CRADD: variants seen among roughly 807,000 people sequenced by gnomAD.
CRADD encodes death domain-containing protein CRADD.
A neutral mutation model predicts 15.5 loss-of-function variants in CRADD; 9 were observed. That is an observed-to-expected ratio of 0.58 (90% CI 0.35 to 1.01). The LOEUF is 1.01. Ranked by LOEUF, CRADD falls within the 50% of genes least tolerant of loss-of-function variation. The pLI is 0.02. For synonymous variants in CRADD, 118 were observed against 107.6 expected (o/e 1.10, Z -0.60); for missense variants, 227 against 250.3 (o/e 0.91, Z 0.63).
At chr12:93,742,430 G>A (rs1956685630) in intron 2 of CRADD, among the ~76,000 whole-genome samples, 2 of 145,206 alleles carry the variant, frequency 1.4e-5, no homozygotes, top group African/African-American at 2.8e-5. Context: ...GGCCCCAGCC[G>A]CCCTAGGGCG....
At chr12:93,821,603 G>C (rs1169126130) in intron 2 of CRADD, among the ~76,000 whole-genome samples, 1 of 152,178 alleles carries the variant, frequency 6.6e-6, no homozygotes, top group East Asian at 1.9e-4. Context: ...ATGAAAATTG[G>C]AACATATGGT....
intron 2 of CRADD, among the ~76,000 whole-genome samples, chr12:93,893,824 T>A (rs1160539567): frequency 6.6e-6 from 1 of 151,674 alleles, no homozygotes; most frequent in Non-Finnish European, 1.5e-5. Context: ...GAGAATCACC[T>A]GAACCTGGGA....
intron 2 of CRADD, among the ~76,000 whole-genome samples, chr12:93,767,855 T>C (rs536388947): frequency 6.6e-6 from 1 of 152,368 alleles, no homozygotes; most frequent in East Asian, 1.9e-4. Context: ...ACAAGTCTTC[T>C]GAAGAAATAC....
chr12:93,779,830 C>T (rs1957183699), intron 2 of CRADD, among the ~76,000 whole-genome samples: 1 of 152,162 alleles, frequency 6.6e-6, no homozygotes, highest in South Asian at 2.1e-4. Flanking sequence ...CTCAGGTGAT[C>T]TGCCCGCCTT....
chr12:93,801,874 C>T (rs1000185128), intron 2 of CRADD, among the ~76,000 whole-genome samples: 1 of 152,076 alleles, frequency 6.6e-6, no homozygotes, highest in African/African-American at 2.4e-5. Flanking sequence ...ACAACAAGTC[C>T]CCAAAGTCCA....
At chr12:93,698,161 GC>G (rs1955755822) in intron 2 of CRADD, among the ~76,000 whole-genome samples, 1 of 152,158 alleles carries the variant, frequency 6.6e-6, no homozygotes, top group Non-Finnish European at 1.5e-5. Flanking sequence ...GCCTGCTTAT[GC>G]TGTCTTCTCA....
chr12:93,772,742 A>AT (rs1957097840), intron 2 of CRADD, among the ~76,000 whole-genome samples: 1 of 152,192 alleles, frequency 6.6e-6, no homozygotes, highest in African/African-American at 2.4e-5. Flanking sequence ...TCACAGACTG[A>AT]TTGAGTCAGA....
intron 2 of CRADD, among the ~76,000 whole-genome samples, chr12:93,691,074 C>T (rs1490789534): frequency 6.6e-6 from 1 of 152,036 alleles, no homozygotes; most frequent in East Asian, 1.9e-4. Context: ...ATATCTCTTC[C>T]CTTTCAATCT....
intron 2 of CRADD, among the ~76,000 whole-genome samples, chr12:93,694,390 TTTTC>T (rs1161786360): frequency 1.3e-5 from 2 of 152,112 alleles, no homozygotes; most frequent in Non-Finnish European, 2.9e-5. Context: ...ACTGAAAGCT[TTTTC>T]TTTTAAGATC....
intron 2 of CRADD, among the ~76,000 whole-genome samples, chr12:93,765,481 G>A (rs1957017470): frequency 6.6e-6 from 1 of 152,156 alleles, no homozygotes. Context: ...TCCTGGAGCT[G>A]TAATTTTTCC....
chr12:93,852,243 C>A (rs1391177774), downstream of CRADD, among the ~76,000 whole-genome samples: 2 of 152,316 alleles, frequency 1.3e-5, no homozygotes, highest in Non-Finnish European at 2.9e-5. Context: ...AGCTCAGAGT[C>A]ACATTCATGG....
intron 2 of CRADD, among the ~76,000 whole-genome samples, chr12:93,739,045 T>G (rs1005620693): frequency 5.3e-5 from 8 of 152,312 alleles, no homozygotes; most frequent in African/African-American, 1.9e-4. Context: ...TATTTTTATT[T>G]GTTTATTTTT....
intron 2 of CRADD, among the ~76,000 whole-genome samples, chr12:93,733,898 G>C (rs1040309199): frequency 6.6e-6 from 1 of 151,912 alleles, no homozygotes. Context: ...ACCACACCCT[G>C]CTAAATTTTT....
intron 2 of CRADD, among the ~76,000 whole-genome samples, chr12:93,763,046 G>T (rs1956985950): frequency 1.3e-5 from 2 of 152,194 alleles, no homozygotes; most frequent in African/African-American, 4.8e-5. Context: ...ATAATATTGT[G>T]TTGAGTGCTA....
intron 2 of CRADD, among the ~76,000 whole-genome samples, chr12:93,729,964 A>G (rs1329412723): frequency 6.6e-6 from 1 of 152,198 alleles, no homozygotes; most frequent in African/African-American, 2.4e-5. Context: ...ATTCTCCACG[A>G]CAAAATCAGA....
At chr12:93,708,344 C>G (rs887987208) in intron 2 of CRADD, 4 of 152,208 alleles carry the variant, frequency 2.6e-5, no homozygotes, top group African/African-American at 9.7e-5. Context: ...TAGGGACTTT[C>G]CGTCACTCCG....
chr12:93,861,298 T>C (rs971354761), intron 2 of CRADD, among the ~76,000 whole-genome samples: 1 of 152,194 alleles, frequency 6.6e-6, no homozygotes, highest in African/African-American at 2.4e-5. Flanking sequence ...CCCTAGCTTG[T>C]GTGATAAGAG....
chr12:93,678,707 C>G, intron 1 of CRADD, 62 bp from the exon 2 acceptor site: 1 of 1,536,764 alleles, frequency 6.5e-7, no homozygotes, highest in East Asian at 2.3e-5. Context: ...ATTGCAGTGA[C>G]ACTGTCTTTA....
At chr12:93,854,329 C>A (rs1958253393), downstream of CRADD, among the ~76,000 whole-genome samples, 1 of 152,206 alleles carries the variant, frequency 6.6e-6, no homozygotes, top group African/African-American at 2.4e-5. Flanking sequence ...AGGTCACACG[C>A]CTTTTATCTG....
Sources: allele counts gnomAD v4.1 joint callset (sites outside exome capture counted in the v4.1 genomes callset), GRCh38; gene constraint gnomAD v4.1.1; transcripts MANE v1.5; gene names NCBI Gene and HGNC (gene_info 2026-07-23, HGNC 2026-07-21).